TRIO: variants seen among roughly 807,000 people sequenced by gnomAD.
TRIO encodes the protein triple functional domain protein.
TRIO carries 58 observed loss-of-function variants against 351.9 expected under a neutral mutation model. That is an observed-to-expected ratio of 0.16 (90% CI 0.13 to 0.21). The LOEUF is 0.21. Among genes scored for constraint, TRIO ranks in the 10% least tolerant of loss-of-function variants. The probability of loss-of-function intolerance (pLI) is 1.00; values close to 1 mark genes in which losing one functional copy is unlikely to be tolerated. For synonymous variants in TRIO, 1,758 were observed against 1,595.7 expected (o/e 1.10, Z -2.42); for missense variants, 3,201 against 4,027.8 (o/e 0.79, Z 5.56).
At chr5:14,296,498 A>G (rs1737373037) in intron 6 of TRIO, among the ~76,000 whole-genome samples, 1 of 152,246 alleles carries the variant, frequency 6.6e-6, no homozygotes, top group South Asian at 2.1e-4. Context: ...AAATTTGAGC[A>G]TAGCGTTGTT....
intron 8 of TRIO, among the ~76,000 whole-genome samples, chr5:14,308,233 C>T (rs373111703): frequency 1.3e-5 from 2 of 152,268 alleles, no homozygotes; most frequent in East Asian, 1.9e-4. Context: ...ATTCACCCAT[C>T]CATCCGTCTA....
chr5:14,208,322 C>A (rs921475339), intron 1 of TRIO, among the ~76,000 whole-genome samples: 2 of 152,208 alleles, frequency 1.3e-5, no homozygotes, highest in Admixed American at 6.5e-5. Context: ...TTAAATACTC[C>A]TCAGCAATAA....
chr5:14,491,861 T>C (rs1177124353), intron 48 of TRIO, among the ~76,000 whole-genome samples: 3 of 152,328 alleles, frequency 2.0e-5, no homozygotes, highest in South Asian at 2.1e-4. Context: ...CTTTGTGATA[T>C]GTTCCCATGG....
chr5:14,432,624 G>A (rs1222585960), intron 34 of TRIO, among the ~76,000 whole-genome samples: 6 of 152,020 alleles, frequency 3.9e-5, no homozygotes, highest in African/African-American at 1.5e-4. Context: ...TTCATCTTTG[G>A]GGGCCAGATT....
chr5:14,295,758 G>T (rs769626900), intron 6 of TRIO, among the ~76,000 whole-genome samples: 1 of 152,222 alleles, frequency 6.6e-6, no homozygotes. Flanking sequence ...CAGTTAGAGC[G>T]TTAATGCCAC....
chr5:14,297,869 C>A (rs976812966), intron 7 of TRIO, among the ~76,000 whole-genome samples: 6 of 152,226 alleles, frequency 3.9e-5, no homozygotes, highest in African/African-American at 1.4e-4. Context: ...TCCTCCTCAG[C>A]CACAGTGCTC....
intron 1 of TRIO, among the ~76,000 whole-genome samples, chr5:14,233,074 G>A (rs1793548272): frequency 6.6e-6 from 1 of 152,142 alleles, no homozygotes; most frequent in African/African-American, 2.4e-5. Context: ...GGATCACTGG[G>A]GGAGTGGTGG....
intron 1 of TRIO, among the ~76,000 whole-genome samples, chr5:14,185,665 A>G (rs1011786087): frequency 3.9e-5 from 6 of 152,242 alleles, no homozygotes; most frequent in Non-Finnish European, 7.3e-5. Context: ...GGGAGAAGAC[A>G]GAGGGAAAAA....
At chr5:14,389,658 T>G (rs927351031) in intron 25 of TRIO, among the ~76,000 whole-genome samples, 9 of 152,186 alleles carry the variant, frequency 5.9e-5, no homozygotes, top group African/African-American at 1.9e-4. Context: ...AAGCTTAATT[T>G]CTCTGAAGCC....
intron 6 of TRIO, among the ~76,000 whole-genome samples, chr5:14,296,421 C>G (rs927398132): frequency 2.0e-5 from 3 of 152,090 alleles, no homozygotes; most frequent in Non-Finnish European, 2.9e-5. Context: ...TTTTAAAATC[C>G]CTATTTTTGC....
intron 28 of TRIO, among the ~76,000 whole-genome samples, chr5:14,394,503 G>T (rs1260530114): frequency 6.6e-6 from 1 of 152,158 alleles, no homozygotes; most frequent in Non-Finnish European, 1.5e-5. Flanking sequence ...ATGGAAACTA[G>T]CCTCAGACTG....
chr5:14,450,409 T>C lies in TRIO; in HGVS notation c.5204-10610T>C, dbSNP rs564296371. On this transcript the variant is annotated intron_variant, in intron 34 of 56. Transcript: ENST00000344204. The stretch of plus-strand genomic sequence containing the variant: ...TGCTGGTGAAAGCTCCCCACTGAAT[T>C]TGTGGGAGGGGCTGCGCAGGGAACG... Among the ~76,000 whole-genome samples the C allele has an allele frequency of 2.0e-5, 3 of 152,228 alleles. No individual in the cohort carries two copies. The East Asian group carries it at 5.8e-4, about 29-fold the overall frequency.
intron 28 of TRIO, among the ~76,000 whole-genome samples, chr5:14,396,579 C>T (rs1561438686): frequency 6.8e-6 from 1 of 146,394 alleles, no homozygotes; most frequent in Non-Finnish European, 1.5e-5. Context: ...ATGTGATTCT[C>T]CTCCCTCAGT....
intron 1 of TRIO, among the ~76,000 whole-genome samples, chr5:14,249,842 A>G (rs1005613347): frequency 6.6e-6 from 1 of 152,186 alleles, no homozygotes; most frequent in East Asian, 1.9e-4. Flanking sequence ...GAACATGGAG[A>G]CAAAGTATAA....
chr5:14,283,598 A>G (rs988967080), intron 3 of TRIO, among the ~76,000 whole-genome samples: 7 of 151,976 alleles, frequency 4.6e-5, no homozygotes, highest in Non-Finnish European at 8.8e-5. Flanking sequence ...TTTTCCTTCA[A>G]TTACTTTCCT....
chr5:14,326,787 A>T (rs1255921954), intron 9 of TRIO, among the ~76,000 whole-genome samples: 8 of 152,220 alleles, frequency 5.3e-5, no homozygotes, highest in African/African-American at 1.9e-4. Flanking sequence ...TTTCACAAGC[A>T]TGTCTTTAAA....
At chr5:14,469,209 A>G (rs570009774) in intron 37 of TRIO, among the ~76,000 whole-genome samples, 66 of 152,362 alleles carry the variant, frequency 4.3e-4, no homozygotes, top group African/African-American at 1.5e-3. Context: ...GCAGAAATTA[A>G]TGAGCTGGAA....
chr5:14,428,950 G>T (rs1319213616), intron 34 of TRIO, among the ~76,000 whole-genome samples: 1 of 152,192 alleles, frequency 6.6e-6, no homozygotes, highest in African/African-American at 2.4e-5. Context: ...TCACTCTCTG[G>T]AGACTGGACT....
intron 1 of TRIO, among the ~76,000 whole-genome samples, chr5:14,220,804 TGAAG>T (rs1448565498): frequency 6.6e-5 from 10 of 152,302 alleles, no homozygotes; most frequent in Non-Finnish European, 1.2e-4. Context: ...ATCCTGAGAT[TGAAG>T]GAAGGAAGCC....
Sources: gnomAD v4.1 joint callset for allele counts (sites outside exome capture counted in the v4.1 genomes callset) on GRCh38, gnomAD v4.1.1 for gene constraint, MANE v1.5 for transcripts, NCBI Gene and HGNC (gene_info 2026-07-23, HGNC 2026-07-21) for gene names.